The following PCDHGA1 variants were observed in gnomAD, a reference collection of about 807,000 sequenced individuals.
PCDHGA1 encodes protocadherin gamma-A1.
Under a neutral mutation model 58.0 loss-of-function variants are expected in PCDHGA1, and 32 were observed. That is an observed-to-expected ratio of 0.55 (90% CI 0.42 to 0.74). The LOEUF is 0.74. Ranked by LOEUF, PCDHGA1 falls within the 30% of genes least tolerant of loss-of-function variation. The pLI, the probability that PCDHGA1 is intolerant of heterozygous loss-of-function variation, is 0.00. For synonymous variants in PCDHGA1, 498 were observed against 501.1 expected (o/e 0.99, Z 0.08); for missense variants, 1,205 against 1,182.3 (o/e 1.02, Z -0.28).
chr5:141,488,113 T>C (rs1053996929), intron 1 of PCDHGA1, among the ~76,000 whole-genome samples: 1 of 152,084 alleles, frequency 6.6e-6, no homozygotes, highest in African/African-American at 2.4e-5. Flanking sequence ...ATTTGAAACA[T>C]AGAGACAGCA....
At chr5:141,410,191 C>T in intron 1 of PCDHGA1, 1 of 1,613,994 alleles carries the variant, frequency 6.2e-7, no homozygotes, top group Non-Finnish European at 8.5e-7. Context: ...TTCATCTGGT[C>T]TTCGCAGACA....
intron 1 of PCDHGA1, among the ~76,000 whole-genome samples, chr5:141,436,477 G>A (rs748354852): frequency 1.3e-5 from 2 of 152,168 alleles, no homozygotes; most frequent in Non-Finnish European, 2.9e-5. Context: ...ATGTATCATA[G>A]AAGGATAGCA....
At chr5:141,430,642 A>C in intron 1 of PCDHGA1, 2 of 918,498 alleles carry the variant, frequency 2.2e-6, no homozygotes, top group South Asian at 5.1e-5. Flanking sequence ...CCCTGGGAGT[A>C]TGTGGAAACA....
At chr5:141,502,866 C>CTTTTTTTT (rs549047197) in intron 2 of PCDHGA1, among the ~76,000 whole-genome samples, 38,988 of 127,080 alleles carry the variant, frequency 0.31, 7,978 homozygotes, top group African/African-American at 0.51. Flanking sequence ...GACTCTCTGT[C>CTTTTTTTT]TTTTTTTTTT....
At chr5:141,356,905 A>T (rs542271225) in intron 1 of PCDHGA1, 1 of 1,614,012 alleles carries the variant, frequency 6.2e-7, no homozygotes, top group African/African-American at 1.3e-5. Context: ...CACCTTCCCT[A>T]CTGATGGCTC....
intron 1 of PCDHGA1, chr5:141,344,346 A>G (rs1238519513): frequency 6.2e-7 from 1 of 1,613,952 alleles, no homozygotes; most frequent in Admixed American, 1.7e-5. Flanking sequence ...GTGTCTGGTA[A>G]AAATTAACAT....
chr5:141,421,860 C>T (rs759779291), intron 1 of PCDHGA1: 1 of 1,613,750 alleles, frequency 6.2e-7, no homozygotes. Flanking sequence ...CTCACCTGCT[C>T]CTCCTCACAG....
intron 1 of PCDHGA1, chr5:141,346,318 A>G: frequency 6.2e-7 from 1 of 1,613,842 alleles, no homozygotes. Context: ...CTCACTGCGG[A>G]CTCGCGGAAG....
chr5:141,413,906 C>G, intron 1 of PCDHGA1: 1 of 1,613,310 alleles, frequency 6.2e-7, no homozygotes. Context: ...GACAACGCGC[C>G]GGTCTTCACC....
chr5:141,379,889 C>CTTTTT lies in PCDHGA1; in HGVS notation c.2421+46810_2421+46814dup, dbSNP rs70988800. 5.8e-3 allele frequency among the ~76,000 whole-genome samples: 293 copies of CTTTTT among 50,830 alleles called. 35 individuals carry two copies. The highest frequency in any genetic ancestry group is 6.4e-3 in the African/African-American group (97 of 15,076). The allele number at this position is 50,830 out of a possible 152,430, so 33.3% of individuals were successfully genotyped here. A position where few individuals can be genotyped will look rare whatever the true frequency, so the allele number is the denominator to read the frequency against. On this transcript the variant is annotated intron_variant, in intron 1 of 3. Coordinates refer to ENST00000517417, the MANE Select transcript of PCDHGA1 (RefSeq NM_018912.3). ...CTTATTTTATGGTCTGTGAAAGCCTCTTTTTTTTTTTTTTTTTTTTTTTTT... is the reference window on the plus strand; with the variant it reads ...CTTATTTTATGGTCTGTGAAAGCCTCTTTTTTTTTTTTTTTTTTTTTTTTTTTTTT...
At position 141,356,765 on chromosome 5, in the gene PCDHGA1, A is replaced by C. The variant is rs1019076807; in HGVS notation, c.2421+23660A>C. The C allele has an allele frequency of 3.1e-6, 5 of 1,613,848 alleles. No homozygotes were observed. The African/African-American group carries it at 6.7e-5, about 22-fold the overall frequency. On this transcript the variant is annotated intron_variant, in intron 1 of 3. Transcript: ENST00000517417. The stretch of plus-strand genomic sequence containing the variant: ...CTATATGCTCTTTGCTCCTTCGACT[A>C]TGAGCAGTTTAGAGACCTGCAGCTG...
chr5:141,392,844 G>C lies in PCDHGA1; in HGVS notation c.2421+59739G>C, dbSNP rs201895231. On this transcript the variant is annotated intron_variant, in intron 1 of 3. Coordinates refer to ENST00000517417, the MANE Select transcript of PCDHGA1 (RefSeq NM_018912.3). ...CGCTCCACAGAGTCGCCCCAGACGCGGCGAGCTGATCCTGCTGTGCGCGCT... is the reference window on the plus strand; with the variant it reads ...CGCTCCACAGAGTCGCCCCAGACGCCGCGAGCTGATCCTGCTGTGCGCGCT... 32 of 1,609,468 alleles carry C rather than the reference G, an allele frequency of 2.0e-5. No homozygotes were observed. The highest frequency in any genetic ancestry group is 2.5e-5 in the Non-Finnish European group (29 of 1,177,978).
At chr5:141,502,818 C>T (rs1209481886) in intron 2 of PCDHGA1, among the ~76,000 whole-genome samples, 1 of 150,836 alleles carries the variant, frequency 6.6e-6, no homozygotes, top group Non-Finnish European at 1.5e-5. Context: ...ACTGTCTTTT[C>T]CTTGGGGAAG....
At chr5:141,416,687 A>G (rs1283053610) in intron 1 of PCDHGA1, 1 of 152,270 alleles carries the variant, frequency 6.6e-6, no homozygotes, top group Non-Finnish European at 1.5e-5. Flanking sequence ...GGGAAATTAT[A>G]TAAACAAAGG....
chr5:141,495,386 G>C (rs2099760934), intron 2 of PCDHGA1, among the ~76,000 whole-genome samples: 1 of 152,214 alleles, frequency 6.6e-6, no homozygotes, highest in Non-Finnish European at 1.5e-5. Context: ...GGACTGGGCG[G>C]GGCATGGAGC....
chr5:141,433,208 C>CTTTT, intron 1 of PCDHGA1: 1 of 1,293,074 alleles, frequency 7.7e-7, no homozygotes, highest in African/African-American at 1.5e-5. Flanking sequence ...AATCTTCTTT[C>CTTTT]TTTTTTTTTT....
chr5:141,399,370 A>C (rs1466560972), intron 1 of PCDHGA1: 2 of 1,614,004 alleles, frequency 1.2e-6, no homozygotes, highest in Non-Finnish European at 1.7e-6. Context: ...CCCGGAGTAC[A>C]ATGTCACCAT....
At position 141,332,808 on chromosome 5, in the gene PCDHGA1, C is replaced by A. The variant is rs151257732; in HGVS notation, c.2124C>A (p.Val708=). The change falls in exon 1 of 4, where the codon GTC becomes GTA. Residue 708 remains valine, a synonymous_variant. Transcript: ENST00000517417. This position sits in a 1 kb window ranked among gnomAD's most constrained non-coding sequence, Gnocchi z 4.6. ...AAVSCVFLAF[V]IVLLAHRLRR... is the part of the protein sequence containing the mutation. ...TCTCCTGCGTCTTCCTGGCCTTCGT[C>A]ATCGTGCTGCTGGCGCACAGGCTGC... 8,256 of 1,614,220 alleles carry A rather than the reference C, an allele frequency of 5.1e-3. 45 individuals carry two copies. The highest frequency in any genetic ancestry group is 9.4e-3 in the Admixed American group (562 of 60,034).
Position 141,331,539 on chromosome 5 carries a change from C to T in PCDHGA1, c.855C>T (p.Asp285=). ...GEVTYSFHNV[D]HRVAQIFRLD... is the part of the protein sequence containing the mutation. ...TAACGTACTCCTTTCACAATGTAGA[C>T]CACAGAGTGGCCCAAATATTTCGTT... The change falls in exon 1 of 4, where the codon GAC becomes GAT. Residue 285 remains aspartate, a synonymous_variant. Coordinates refer to ENST00000517417, the MANE Select transcript of PCDHGA1 (RefSeq NM_018912.3). The T allele has an allele frequency of 6.2e-7, 1 of 1,614,128 alleles. No individual in the cohort carries two copies. The highest frequency in any genetic ancestry group is 8.5e-7 in the Non-Finnish European group (1 of 1,180,036).
Sources: allele counts gnomAD v4.1 joint callset (sites outside exome capture counted in the v4.1 genomes callset), GRCh38; gene constraint gnomAD v4.1.1; non-coding constraint Gnocchi (gnomAD v3.1); transcripts MANE v1.5; gene names NCBI Gene and HGNC (gene_info 2026-07-23, HGNC 2026-07-21).